Variants in SFXN5 observed in about 807,000 individuals in gnomAD.
SFXN5 encodes the protein sideroflexin-5.
SFXN5 carries 43 observed loss-of-function variants against 50.2 expected under a neutral mutation model. The observed-to-expected ratio is 0.86, with a 90% CI of 0.67 to 1.11. The LOEUF (loss-of-function observed/expected upper bound fraction) is 1.11, where lower values mean the gene tolerates loss of function less well. Among genes scored for constraint, SFXN5 ranks in the 50% least tolerant of loss-of-function variants. SFXN5 has a pLI of 0.00. For synonymous variants in SFXN5, 203 were observed against 185.8 expected (o/e 1.09, Z -0.75); for missense variants, 463 against 454.1 (o/e 1.02, Z -0.18).
At chr2:72,972,188 CAG>C (rs1240877621) in intron 10 of SFXN5, among the ~76,000 whole-genome samples, 9 of 152,204 alleles carry the variant, frequency 5.9e-5, no homozygotes, top group African/African-American at 1.9e-4. Flanking sequence ...CAGCAGGTGC[CAG>C]AGAGGCAGAA....
At chr2:72,974,841 T>G (rs1347198836) in intron 10 of SFXN5, among the ~76,000 whole-genome samples, 1 of 123,406 alleles carries the variant, frequency 8.1e-6, no homozygotes, top group Admixed American at 8.4e-5. Flanking sequence ...AAGCAAATGA[T>G]AGAGAGAGAG....
Position 73,058,577 on chromosome 2 carries a change from A to G in SFXN5, c.122T>C (p.Phe41Ser), listed in dbSNP as rs769626962. ...RFQQTSFYGRFRHFLDIIDPR... is the reference protein window; with the variant it reads ...RFQQTSFYGRSRHFLDIIDPR... ...GTCGATGATATCCAAGAAGTGCCTG[A>G]AGCGGCCATAGAAGGACGTCTGAAG... The change falls in exon 2 of 14, where the codon TTC becomes TCC. Residue 41 changes from phenylalanine (F) to serine (S), a missense_variant. Physicochemically the swap from Phe to Ser is radical, Grantham distance 155. Coordinates refer to ENST00000272433, the MANE Select transcript of SFXN5 (RefSeq NM_144579.3). The G allele has an allele frequency of 6.2e-7, 1 of 1,614,176 alleles. No individual in the cohort carries two copies. Among genetic ancestry groups the G allele is most frequent in the East Asian group, 2.2e-5 (1 of 44,888 alleles).
intron 2 of SFXN5, among the ~76,000 whole-genome samples, chr2:73,056,788 G>A (rs1354978962): frequency 6.6e-6 from 1 of 152,184 alleles, no homozygotes; most frequent in Non-Finnish European, 1.5e-5. Context: ...GCAAGTGTTG[G>A]TGAGGAAGTG....
intron 2 of SFXN5, among the ~76,000 whole-genome samples, chr2:73,048,750 A>G (rs1340658623): frequency 6.6e-6 from 1 of 152,210 alleles, no homozygotes; most frequent in Non-Finnish European, 1.5e-5. Context: ...TATAAGTAAC[A>G]TTGCAATTAA....
chr2:72,968,392 T>G, intron 12 of SFXN5, 56 bp downstream of exon 12: 110 of 1,081,444 alleles, frequency 1.0e-4, no homozygotes, highest in Non-Finnish European at 1.3e-4. Context: ...CGGTTCCCCC[T>G]CCCTCTCCCC....
At chr2:73,056,363 C>T (rs1682122894) in intron 2 of SFXN5, among the ~76,000 whole-genome samples, 1 of 149,262 alleles carries the variant, frequency 6.7e-6, no homozygotes, top group South Asian at 2.1e-4. Context: ...GCCTGGGGGA[C>T]AAGAGCGAGA....
At chr2:73,070,930 C>T in intron 1 of SFXN5, 1 of 152,500 alleles carries the variant, frequency 6.6e-6, no homozygotes, top group Non-Finnish European at 1.5e-5. Flanking sequence ...ACAGCGTTTC[C>T]CCCGCACGCC....
intron 2 of SFXN5, among the ~76,000 whole-genome samples, 159 bp from the exon 3 acceptor site, chr2:73,041,090 T>G (rs1679571104): frequency 6.6e-6 from 1 of 152,200 alleles, no homozygotes; most frequent in Non-Finnish European, 1.5e-5. Context: ...AAATACCACC[T>G]AAATGTTCTT....
In SFXN5 at chr2:72,983,921, A is replaced by G. The variant is rs79905949; in HGVS notation, c.625+4337T>C. 1.1e-3 allele frequency among the ~76,000 whole-genome samples: 167 copies of G among 152,168 alleles called. 4 individuals are homozygous for G. In the East Asian group the frequency reaches 0.027, roughly 24 times the overall value. ...AGAGCTGGGGGTGTGTATTTTTCCAATGCCTCCTCTACTGACCTTTAATTA... is the reference window on the plus strand; with the variant it reads ...AGAGCTGGGGGTGTGTATTTTTCCAGTGCCTCCTCTACTGACCTTTAATTA... On this transcript the variant is annotated intron_variant, in intron 10 of 13. Coordinates refer to ENST00000272433, the MANE Select transcript of SFXN5 (RefSeq NM_144579.3).
Position 72,971,635 on chromosome 2 carries a change from C to T in SFXN5, c.676G>A (p.Glu226Lys). ...VVLMRYGELE[E>K]GIDVLDSDGN... ...TCGCTGTCCAGGACATCAATCCCTT[C>T]CTCCAGCTCCCCGTACCGCATCAGG... The change falls in exon 11 of 14, where the codon GAA (glutamate) becomes AAA (lysine). Residue 226 changes from glutamate to lysine, a missense_variant. By Grantham distance (56) the Glu-to-Lys change is moderately conservative. Coordinates refer to ENST00000272433, the MANE Select transcript of SFXN5 (RefSeq NM_144579.3). 9 of 1,614,092 alleles carry T rather than the reference C, an allele frequency of 5.6e-6. No homozygotes were observed. Among genetic ancestry groups the T allele is most frequent in the Non-Finnish European group, 7.6e-6 (9 of 1,179,980 alleles).
rs928441654 is a variant in SFXN5, at chr2:73,001,453, C to G, written c.411+72G>C. 6 of 1,526,834 alleles carry G rather than the reference C, an allele frequency of 3.9e-6. No homozygotes were observed. The African/African-American group carries it at 8.2e-5, about 21-fold the overall frequency. 94.6% of individuals were successfully genotyped at this position (1,526,834 alleles called of 1,614,324 possible). A position where few individuals can be genotyped will look rare whatever the true frequency, so the allele number is the denominator to read the frequency against. ...GGTCTGGACGGGGCAGGAGACACCA[C>G]AGCAGGGAGTTCTTAACCAGCACCT... is the stretch of plus-strand genomic sequence containing the variant. On this transcript the variant is annotated intron_variant, in intron 7 of 13. Transcript: ENST00000272433.
chr2:73,047,255 T>TATACACACAC (rs1680541883), intron 2 of SFXN5, among the ~76,000 whole-genome samples: 1 of 61,898 alleles, frequency 1.6e-5, no homozygotes, highest in Non-Finnish European at 2.9e-5. Context: ...AATATATATA[T>TATACACACAC]ATATATATAT....
intron 2 of SFXN5, among the ~76,000 whole-genome samples, chr2:73,052,944 A>G (rs1235915021): frequency 6.6e-6 from 1 of 152,200 alleles, no homozygotes; most frequent in Non-Finnish European, 1.5e-5. Flanking sequence ...CTGGGAGGCC[A>G]AGGCGGGCAG....
At position 73,022,522 on chromosome 2, in the gene SFXN5, C is replaced by T. The variant is rs1375882894; in HGVS notation, c.331G>A (p.Gly111Ser). 1 of 1,610,908 alleles carries T rather than the reference C, an allele frequency of 6.2e-7. No individual in the cohort carries two copies. Among genetic ancestry groups the T allele is most frequent in the East Asian group, 2.2e-5 (1 of 44,744 alleles). Residue 111 changes from glycine (G) to serine (S), a missense_variant and splice_region_variant, in exon 5 of 14, where the codon GGT becomes AGT. Transcript: ENST00000272433. ...EKIFMPFRMS[G>S]YIPFGTPIVV... ...AACCAGAAGGGCCCCAGGAGCTTAC[C>T]TGACATTCTAAATGGCATGAAGATC...
chr2:73,062,757 C>A (rs1004394944), intron 1 of SFXN5, among the ~76,000 whole-genome samples: 3 of 152,144 alleles, frequency 2.0e-5, no homozygotes, highest in Non-Finnish European at 2.9e-5. Context: ...TGAAGCATCG[C>A]GAAGTATACT....
rs954489368 is a variant in SFXN5, at chr2:73,032,216, C to T, written c.249+8638G>A. Among the ~76,000 whole-genome samples, 5 of 152,194 alleles carry T rather than the reference C, an allele frequency of 3.3e-5. No homozygotes were observed. In the South Asian group the frequency reaches 1.0e-3, roughly 31 times the overall value. ...ACATCCTAGGATATCAAGAGTTCAA[C>T]GTCTTCTCACTAGACCACTGAAGCA... On this transcript the variant is annotated intron_variant, in intron 3 of 13. Coordinates refer to ENST00000272433, the MANE Select transcript of SFXN5 (RefSeq NM_144579.3).
Position 73,000,472 on chromosome 2 carries a change from G to C in SFXN5, c.427C>G (p.His143Asp), listed in dbSNP as rs1559139724. The C allele has an allele frequency of 6.4e-7, 1 of 1,560,114 alleles. No individual in the cohort carries two copies. Among genetic ancestry groups the C allele is most frequent in the South Asian group, 1.2e-5 (1 of 84,756 alleles). The change falls in exon 8 of 14, where the codon CAC becomes GAC. Residue 143 changes from histidine to aspartate, a missense_variant. Transcript: ENST00000272433. ...TTTGCATAGTTGACACAGGCATTGT[G>C]GCTCTGGTTCAGCCACTGAAAGGCA... ...TVFWQWLNQS[H>D]NACVNYANRN...
chr2:73,047,970 A>G (rs756063125), intron 2 of SFXN5, among the ~76,000 whole-genome samples: 1 of 152,210 alleles, frequency 6.6e-6, no homozygotes, highest in Non-Finnish European at 1.5e-5. Context: ...AATAATTAAT[A>G]GAATAACCAT....
intron 13 of SFXN5, among the ~76,000 whole-genome samples, chr2:72,951,820 G>A (rs978663358): frequency 5.3e-5 from 8 of 152,180 alleles, no homozygotes; most frequent in East Asian, 1.9e-4. Flanking sequence ...AGAAGGTGGC[G>A]ACATTGACGC....
Sources: allele counts gnomAD v4.1 joint callset (sites outside exome capture counted in the v4.1 genomes callset), GRCh38; gene constraint gnomAD v4.1.1; transcripts MANE v1.5; gene names NCBI Gene and HGNC (gene_info 2026-07-23, HGNC 2026-07-21).